The following ANKRD12 variants were observed in gnomAD, a reference collection of about 807,000 sequenced individuals.
ANKRD12 encodes the protein ankyrin repeat domain 12, also known as ankyrin repeat domain-containing protein 12.
In ANKRD12, 85 loss-of-function variants were observed where a neutral mutation model predicts 183.4. The ratio of observed to expected loss-of-function variants is 0.46; its 90% CI spans 0.39 to 0.56. The LOEUF is 0.56. Among genes scored for constraint, ANKRD12 ranks in the 20% least tolerant of loss-of-function variants. The pLI is 0.00. For missense variants in ANKRD12, 2,405 were observed against 2,357.1 expected (o/e 1.02, Z -0.42); for synonymous variants, 914 against 800.2 (o/e 1.14, Z -2.40).
intron 1 of ANKRD12, among the ~76,000 whole-genome samples, chr18:9,143,848 A>G (rs1317842222): frequency 6.6e-6 from 1 of 152,164 alleles, no homozygotes; most frequent in Non-Finnish European, 1.5e-5. Context: ...TCCTCATGTT[A>G]TTGAAAGTAA....
intron 2 of ANKRD12, among the ~76,000 whole-genome samples, chr18:9,193,763 T>C (rs1435331775): frequency 6.6e-6 from 1 of 152,230 alleles, no homozygotes; most frequent in Non-Finnish European, 1.5e-5. Context: ...TCTACAATCA[T>C]GATAAATTAT....
rs989050379 is a variant in ANKRD12 at position 9,285,176 on chromosome 18, T to G, written c.*4050T>G. On this transcript the variant is annotated 3_prime_UTR_variant, in exon 13 of 13. Coordinates refer to ENST00000262126, the MANE Select transcript of ANKRD12 (RefSeq NM_015208.5). ...GTGAGCCGAGATCGTGCCACTGCAC[T>G]CCAGCCTGGGCGACAGAGCGAGACT... is the stretch of plus-strand genomic sequence containing the variant. The G allele has an allele frequency of 6.9e-6, 1 of 144,436 alleles. No homozygotes were observed. The highest frequency in any genetic ancestry group is 1.5e-5 in the Non-Finnish European group (1 of 66,776). The allele number at this position is 144,436 out of a possible 1,614,324, so 8.9% of individuals were successfully genotyped here.
At chr18:9,235,473 T>C (rs1174895873) in intron 8 of ANKRD12, among the ~76,000 whole-genome samples, 1 of 152,240 alleles carries the variant, frequency 6.6e-6, no homozygotes, top group Non-Finnish European at 1.5e-5. Flanking sequence ...AATATTACTA[T>C]TTTGCCATAG....
rs760081837 is a variant in ANKRD12, at chr18:9,258,436, AGAT to A, written c.5173_5175del (p.Asp1725del). 6.2e-6 allele frequency: 10 copies of A among 1,613,842 alleles called. No individual in the cohort carries two copies. In the East Asian group the frequency reaches 2.0e-4, roughly 32 times the overall value. The stretch of plus-strand genomic sequence containing the variant: ...AAGTAGAATTAGAAGAAAATGCCGA[AGAT>A]GATAAAACTGAAAACCAAATCCCTC... On this transcript the variant is annotated inframe_deletion, in exon 9 of 13. Transcript: ENST00000262126.
chr18:9,196,223 C>CACAT (rs199953345), intron 3 of ANKRD12, among the ~76,000 whole-genome samples: 102 of 52,262 alleles, frequency 2.0e-3, no homozygotes, highest in Non-Finnish European at 2.4e-3. Flanking sequence ...CACACACACA[C>CACAT]TGAGGCTAAC....
intron 8 of ANKRD12, among the ~76,000 whole-genome samples, chr18:9,242,822 C>T (rs1025118904): frequency 2.0e-5 from 3 of 152,050 alleles, no homozygotes; most frequent in African/African-American, 4.8e-5. Context: ...TCTTCCTTCC[C>T]ATCTCACACT....
Position 9,256,120 on chromosome 18 carries a change from T to A in ANKRD12, c.2853T>A (p.Asn951Lys). The change falls in exon 9 of 13, where the codon AAT becomes AAA. Residue 951 changes from asparagine to lysine, a missense_variant. Asn to Lys is a moderately conservative substitution (Grantham distance 94). Transcript: ENST00000262126. ...SEYSKSEKGK[N>K]KEKDRELDKK... Reference sequence around the variant, plus strand: ...ACAGTAAATCAGAAAAAGGCAAAAATAAAGAAAAAGACAGGGAGCTAGATA... The same window carrying A: ...ACAGTAAATCAGAAAAAGGCAAAAAAAAAGAAAAAGACAGGGAGCTAGATA... 1 of 1,545,240 alleles carries A rather than the reference T, an allele frequency of 6.5e-7. No individual in the cohort carries two copies. The highest frequency in any genetic ancestry group is 1.3e-5 in the South Asian group (1 of 79,486).
chr18:9,283,272 G>A lies in ANKRD12; in HGVS notation c.*2146G>A, dbSNP rs553787344. ...GCCCAAACAGAACAGGCTTTTAGAAGATAAAAGCGACAAGAAGGAATCTGG... is the reference window on the plus strand; with the variant it reads ...GCCCAAACAGAACAGGCTTTTAGAAAATAAAAGCGACAAGAAGGAATCTGG... On this transcript the variant is annotated 3_prime_UTR_variant, in exon 13 of 13. Coordinates refer to ENST00000262126, the MANE Select transcript of ANKRD12 (RefSeq NM_015208.5). The A allele has an allele frequency of 1.8e-4, 28 of 152,248 alleles. No individual in the cohort carries two copies. Among genetic ancestry groups the A allele is most frequent in the African/African-American group, 6.5e-4 (27 of 41,552 alleles). 9.4% of individuals were successfully genotyped at this position (152,248 alleles called of 1,614,324 possible).
At chr18:9,242,022 C>A (rs887254661) in intron 8 of ANKRD12, among the ~76,000 whole-genome samples, 1 of 151,532 alleles carries the variant, frequency 6.6e-6, no homozygotes, top group African/African-American at 2.4e-5. Flanking sequence ...GTCAAAATAT[C>A]TTTGACTTGC....
intron 8 of ANKRD12, among the ~76,000 whole-genome samples, chr18:9,229,327 A>C (rs188007375): frequency 2.6e-5 from 4 of 152,260 alleles, no homozygotes; most frequent in African/African-American, 9.6e-5. Flanking sequence ...TATTTCTGTG[A>C]AAAATGACAT....
At chr18:9,262,615 A>G (rs1358869660) in intron 9 of ANKRD12, among the ~76,000 whole-genome samples, 1 of 151,576 alleles carries the variant, frequency 6.6e-6, no homozygotes, top group African/African-American at 2.4e-5. Flanking sequence ...AGACACCACC[A>G]CATCCAGCTA....
chr18:9,263,631 C>G (rs1175473991), intron 9 of ANKRD12, among the ~76,000 whole-genome samples, 159 bp from the exon 10 acceptor site: 1 of 152,158 alleles, frequency 6.6e-6, no homozygotes, highest in Non-Finnish European at 1.5e-5. Context: ...TGTTTCCAAA[C>G]AGAAGTAACA....
chr18:9,209,665 A>G (rs72937286), intron 5 of ANKRD12, among the ~76,000 whole-genome samples: 2,052 of 152,236 alleles, frequency 0.013, 19 homozygotes, highest in Non-Finnish European at 0.019. Context: ...CGTTGTGGTT[A>G]CTCACTCCTA....
At chr18:9,196,713 G>A (rs2034847890) in intron 3 of ANKRD12, among the ~76,000 whole-genome samples, 1 of 152,164 alleles carries the variant, frequency 6.6e-6, no homozygotes, top group Non-Finnish European at 1.5e-5. Context: ...CTGCTGTTGT[G>A]TGAATTAAAA....
At chr18:9,156,330 A>G (rs2030453055) in intron 1 of ANKRD12, among the ~76,000 whole-genome samples, 1 of 152,078 alleles carries the variant, frequency 6.6e-6, no homozygotes, top group South Asian at 2.1e-4. Flanking sequence ...GATAATTTTG[A>G]AAAAGAAAAA....
intron 1 of ANKRD12, among the ~76,000 whole-genome samples, chr18:9,149,255 T>A (rs1432467189): frequency 6.6e-6 from 1 of 152,232 alleles, no homozygotes; most frequent in African/African-American, 2.4e-5. Flanking sequence ...ATGTGACATG[T>A]AAGTGTTTAA....
At chr18:9,177,709 A>C (rs376161648) in intron 1 of ANKRD12, among the ~76,000 whole-genome samples, 1 of 152,044 alleles carries the variant, frequency 6.6e-6, no homozygotes, top group African/African-American at 2.4e-5. Context: ...CTACCCTTTA[A>C]TCAACCTCCC....
chr18:9,258,845 G>A lies in ANKRD12; in HGVS notation c.5578G>A (p.Ala1860Thr), dbSNP rs2038795457. The change falls in exon 9 of 13, where the codon GCA becomes ACA. Residue 1860 changes from alanine to threonine, a missense_variant. Ala to Thr is a moderately conservative substitution (Grantham distance 58, BLOSUM62 0). Coordinates refer to ENST00000262126, the MANE Select transcript of ANKRD12 (RefSeq NM_015208.5). ...RKLLCSVIPQ[A>T]PQYYDEYVTF... is the part of the protein sequence containing the mutation. ...ATTACTGTGTAGTGTGATTCCTCAA[G>A]CACCTCAGTACTATGACGAATATGT... 1 of 1,613,770 alleles carries A rather than the reference G, an allele frequency of 6.2e-7. No homozygotes were observed. Among genetic ancestry groups the A allele is most frequent in the Admixed American group, 1.7e-5 (1 of 59,992 alleles).
At chr18:9,241,326 TGTA>T (rs1434159724) in intron 8 of ANKRD12, among the ~76,000 whole-genome samples, 3 of 152,170 alleles carry the variant, frequency 2.0e-5, no homozygotes, top group African/African-American at 4.8e-5. Flanking sequence ...TCATTTAACA[TGTA>T]GTTAAAATGT....
Sources: gnomAD v4.1 joint callset for allele counts (sites outside exome capture counted in the v4.1 genomes callset) on GRCh38, gnomAD v4.1.1 for gene constraint, MANE v1.5 for transcripts, NCBI Gene and HGNC (gene_info 2026-07-23, HGNC 2026-07-21) for gene names.